Variants in PRH1 observed in about 807,000 individuals in gnomAD.
The protein encoded by PRH1 is proline rich protein HaeIII subfamily 1.
Under a neutral mutation model 7.9 loss-of-function variants are expected in PRH1, and 7 were observed. The ratio of observed to expected loss-of-function variants is 0.89; its 90% CI spans 0.50 to 1.67. The LOEUF (loss-of-function observed/expected upper bound fraction) is 1.67, where lower values mean the gene tolerates loss of function less well. PRH1 is among the 40% of genes most tolerant of loss of function. PRH1 has a pLI of 0.00. For missense variants in PRH1, 109 were observed against 223.6 expected, an observed-to-expected ratio of 0.49 and a Z score of 3.27; for synonymous variants, 45 against 80.8, an observed-to-expected ratio of 0.56 and a Z score of 2.38.
chr12:11,015,944 T>C (rs1306162601), intron 1 of PRH1, among the ~76,000 whole-genome samples: 2 of 124,276 alleles, frequency 1.6e-5, no homozygotes, highest in Non-Finnish European at 3.6e-5. Flanking sequence ...CACGTTCTTC[T>C]AACTATGTGC....
chr12:10,982,324 T>C, intron 1 of PRH1, among the ~76,000 whole-genome samples: 2 of 152,342 alleles, frequency 1.3e-5, no homozygotes, highest in Admixed American at 1.3e-4. Context: ...CCATTTTATA[T>C]CTTTATTCAG....
At chr12:10,938,815 C>G (rs1320574005) in intron 2 of PRH1, 1 of 1,613,202 alleles carries the variant, frequency 6.2e-7, no homozygotes. Flanking sequence ...GAAGCAGCAC[C>G]AAAACCACCT....
At chr12:10,892,210 A>C (rs938896551) in intron 2 of PRH1, among the ~76,000 whole-genome samples, 8 of 152,188 alleles carry the variant, frequency 5.3e-5, no homozygotes, top group East Asian at 3.9e-4. Context: ...TCACAAGATA[A>C]GAGCTAGACC....
intron 1 of PRH1, among the ~76,000 whole-genome samples, chr12:11,113,952 C>T (rs1945660774): frequency 6.6e-6 from 1 of 152,108 alleles, no homozygotes; most frequent in African/African-American, 2.4e-5. Context: ...ATCAAAACCA[C>T]AATGAGATAC....
chr12:11,133,920 T>C (rs1946463583), intron 1 of PRH1: 2 of 1,614,062 alleles, frequency 1.2e-6, no homozygotes, highest in Non-Finnish European at 1.7e-6. Flanking sequence ...TTGGCAATCC[T>C]GAGCAAATAA....
intron 1 of PRH1, among the ~76,000 whole-genome samples, chr12:11,075,698 C>G (rs1269970225): frequency 2.5e-4 from 31 of 123,936 alleles, no homozygotes; most frequent in Non-Finnish European, 4.9e-4. Flanking sequence ...TGCATCAAAG[C>G]TATATTACAG....
intron 1 of PRH1, among the ~76,000 whole-genome samples, chr12:10,985,251 A>T (rs1479232618): frequency 6.6e-6 from 1 of 152,100 alleles, no homozygotes; most frequent in Non-Finnish European, 1.5e-5. Flanking sequence ...TCAAATGTTC[A>T]CATATTTGTA....
At chr12:11,142,467 G>A (rs1166471431) in intron 1 of PRH1, among the ~76,000 whole-genome samples, 1 of 152,138 alleles carries the variant, frequency 6.6e-6, no homozygotes, top group Non-Finnish European at 1.5e-5. Flanking sequence ...CCCTAATCAG[G>A]ATTCTATAGA....
Position 11,097,436 on chromosome 12 carries a change from T to C in PRH1, n.124-50248A>G, listed in dbSNP as rs1325148737. Among the ~76,000 whole-genome samples, 16 of 114,840 alleles carry C rather than the reference T, an allele frequency of 1.4e-4. 4 individuals are homozygous for C. Among genetic ancestry groups the C allele is most frequent in the African/African-American group, 4.6e-4 (16 of 34,500 alleles). The allele number at this position is 114,840 out of a possible 152,430, so 75.3% of individuals were successfully genotyped here. ...AAAAGCGTGCTCAAAAAATGTGTTATTTGCTGTATCTTTCTTATTAAGGAA... is the reference window on the plus strand; with the variant it reads ...AAAAGCGTGCTCAAAAAATGTGTTACTTGCTGTATCTTTCTTATTAAGGAA... On this transcript the variant is annotated intron_variant and non_coding_transcript_variant, in intron 1 of 4. Transcript: ENST00000541977.
upstream of PRH1, among the ~76,000 whole-genome samples, chr12:10,884,877 T>A (rs2135783103): frequency 6.6e-6 from 1 of 152,224 alleles, no homozygotes; most frequent in South Asian, 2.1e-4. Context: ...CTTCTGTGAA[T>A]CTCACTACAC....
Position 11,055,261 on chromosome 12 carries a change from A to G in PRH1, n.124-8073T>C, listed in dbSNP as rs557180993. On this transcript the variant is annotated intron_variant and non_coding_transcript_variant, in intron 1 of 4. Coordinates refer to the PRH1 transcript ENST00000541977. ...AAAGAAAATAATATGTTGAAATATC[A>G]AATAAGTATATAAGTGTAATGAAGG... Among the ~76,000 whole-genome samples the G allele has an allele frequency of 3.3e-5, 5 of 152,190 alleles. No homozygotes were observed. The South Asian group carries it at 1.0e-3, about 32-fold the overall frequency.
intron 2 of PRH1, among the ~76,000 whole-genome samples, chr12:10,931,782 A>G (rs1419290988): frequency 6.6e-6 from 1 of 151,672 alleles, no homozygotes; most frequent in Non-Finnish European, 1.5e-5. Flanking sequence ...TAGCTTTCAC[A>G]TGAGTTTATT....
At chr12:11,060,597 A>G (rs1943552065) in intron 1 of PRH1, among the ~76,000 whole-genome samples, 1 of 152,172 alleles carries the variant, frequency 6.6e-6, no homozygotes, top group Non-Finnish European at 1.5e-5. Context: ...ATGGAAACTG[A>G]TAATAGCAAT....
chr12:10,934,542 A>G (rs1950259491), intron 2 of PRH1, among the ~76,000 whole-genome samples: 1 of 152,154 alleles, frequency 6.6e-6, no homozygotes, highest in African/African-American at 2.4e-5. Flanking sequence ...TCTAAATGCA[A>G]CGCTGACAAT....
chr12:10,931,740 C>T (rs1245923570), intron 2 of PRH1, among the ~76,000 whole-genome samples: 1 of 152,020 alleles, frequency 6.6e-6, no homozygotes, highest in Admixed American at 6.5e-5. Flanking sequence ...ATATTCAGTT[C>T]TGTGTCTTAC....
chr12:11,057,902 G>C (rs1943431191), intron 1 of PRH1, among the ~76,000 whole-genome samples: 1 of 152,238 alleles, frequency 6.6e-6, no homozygotes, highest in Non-Finnish European at 1.5e-5. Flanking sequence ...TGTCACTTCT[G>C]TTCTCTGTTT....
At chr12:11,059,812 T>C (rs532960882) in intron 1 of PRH1, among the ~76,000 whole-genome samples, 9 of 152,228 alleles carry the variant, frequency 5.9e-5, no homozygotes, top group South Asian at 2.1e-4. Context: ...GATTTTGTGA[T>C]GAGTTTCCCT....
chr12:11,065,431 T>C (rs1366689532), intron 1 of PRH1, among the ~76,000 whole-genome samples: 1 of 114,118 alleles, frequency 8.8e-6, no homozygotes, highest in East Asian at 4.7e-4. Flanking sequence ...ACTGCAGAAG[T>C]ATGTTAGTTG....
chr12:11,062,120 G>A (rs1265520250), intron 1 of PRH1: 3 of 1,613,676 alleles, frequency 1.9e-6, no homozygotes, highest in African/African-American at 1.3e-5. Context: ...AATACCCAGA[G>A]TAAACCAACT....
Sources: gnomAD v4.1 joint callset for allele counts (sites outside exome capture counted in the v4.1 genomes callset) on GRCh38, gnomAD v4.1.1 for gene constraint, MANE v1.5 for transcripts, NCBI Gene and HGNC (gene_info 2026-07-23, HGNC 2026-07-21) for gene names.